Variants in NFIX observed in about 807,000 individuals in gnomAD.
NFIX encodes the protein nuclear factor 1 X-type.
In NFIX, 2 loss-of-function variants were observed where a neutral mutation model predicts 53.3. That is an observed-to-expected ratio of 0.04 (90% CI 0.02 to 0.12). NFIX has a LOEUF of 0.12. NFIX is among the 10% of genes least tolerant of loss of function. The pLI is 1.00. For synonymous variants in NFIX, 244 were observed against 289.0 expected, an observed-to-expected ratio of 0.84 and a Z score of 1.58; for missense variants, 310 against 674.5, an observed-to-expected ratio of 0.46 and a Z score of 5.99.
At chr19:13,056,185 C>A (rs573674606) in intron 2 of NFIX, among the ~76,000 whole-genome samples, 2 of 152,130 alleles carry the variant, frequency 1.3e-5, no homozygotes, top group African/African-American at 2.4e-5. Flanking sequence ...GGGAAGCAGG[C>A]GGGCAGGGGG....
chr19:13,012,327 C>T lies in NFIX; in HGVS notation c.28-12694C>T, dbSNP rs572678271. ...ACCGTTTGTGCCGCCAGAGTCTTCTCAATGATCCCTCCCAGGCACCGTAGG... is the reference window on the plus strand; with the variant it reads ...ACCGTTTGTGCCGCCAGAGTCTTCTTAATGATCCCTCCCAGGCACCGTAGG... On this transcript the variant is annotated intron_variant, in intron 1 of 10. Coordinates refer to ENST00000592199, the MANE Select transcript of NFIX (RefSeq NM_001365902.3). This position sits in a 1 kb window ranked among gnomAD's most constrained non-coding sequence, Gnocchi z 5.0. 2.0e-5 allele frequency: 3 copies of T among 152,244 alleles called. No individual in the cohort carries two copies. In the South Asian group the frequency reaches 6.2e-4, roughly 32 times the overall value. 9.4% of individuals were successfully genotyped at this position (152,244 alleles called of 1,614,324 possible). A position where few individuals can be genotyped will look rare whatever the true frequency, so the allele number is the denominator to read the frequency against.
rs1002798236 is a variant in NFIX at position 13,028,745 on chromosome 19, C to T, written c.559+3193C>T. ...CCTGGTGATATCCTTCCATTCAAAG[C>T]GGGTATCCCAGAACAGGTGGCCAGG... On this transcript the variant is annotated intron_variant, in intron 2 of 10. Transcript: ENST00000592199. The surrounding 1 kb of genome is among the most constrained non-coding windows in gnomAD (Gnocchi z 4.2). Among the ~76,000 whole-genome samples, 6 of 152,052 alleles carry T rather than the reference C, an allele frequency of 3.9e-5. No homozygotes were observed. Among genetic ancestry groups the T allele is most frequent in the African/African-American group, 9.7e-5 (4 of 41,384 alleles).
intron 2 of NFIX, among the ~76,000 whole-genome samples, chr19:13,039,309 T>C (rs1277731357): frequency 1.3e-5 from 2 of 151,164 alleles, no homozygotes; most frequent in African/African-American, 2.4e-5. Flanking sequence ...CCCAGCCACG[T>C]GGGACAGTAA....
chr19:13,060,329 G>A lies in NFIX; in HGVS notation c.560-12718G>A, dbSNP rs1176322639. On this transcript the variant is annotated intron_variant, in intron 2 of 10. Coordinates refer to ENST00000592199, the MANE Select transcript of NFIX (RefSeq NM_001365902.3). The surrounding 1 kb of genome is among the most constrained non-coding windows in gnomAD (Gnocchi z 4.3). Reference sequence around the variant, plus strand: ...GGGCCATTCCTGGCCCAGAGCCTGAGGCCATTGGAAAGGGCCTATATCTGG... The same window carrying A: ...GGGCCATTCCTGGCCCAGAGCCTGAAGCCATTGGAAAGGGCCTATATCTGG... 1.3e-5 allele frequency among the ~76,000 whole-genome samples: 2 copies of A among 152,246 alleles called. No individual in the cohort carries two copies. Among genetic ancestry groups the A allele is most frequent in the Non-Finnish European group, 2.9e-5 (2 of 68,044 alleles).
intron 1 of NFIX, 81 bp from the exon 2 acceptor site, chr19:13,024,940 C>T: frequency 6.6e-7 from 1 of 1,523,056 alleles, no homozygotes; most frequent in Non-Finnish European, 8.9e-7. Flanking sequence ...CTGCTTTTCT[C>T]CTTCTCTCTT....
At chr19:13,055,565 G>A (rs2015617326) in intron 2 of NFIX, among the ~76,000 whole-genome samples, 1 of 152,186 alleles carries the variant, frequency 6.6e-6, no homozygotes, top group African/African-American at 2.4e-5. Flanking sequence ...CCCCTCACGG[G>A]GCCTCGGCTC....
intron 8 of NFIX, among the ~76,000 whole-genome samples, chr19:13,084,811 T>A (rs1255686170): frequency 6.6e-6 from 1 of 152,104 alleles, no homozygotes; most frequent in Admixed American, 6.5e-5. Context: ...GGCTTATACC[T>A]GTAATCCCAG....
chr19:13,017,703 A>G (rs764923438), intron 1 of NFIX, among the ~76,000 whole-genome samples: 1 of 152,118 alleles, frequency 6.6e-6, no homozygotes, highest in Non-Finnish European at 1.5e-5. Context: ...GCATTTTGCC[A>G]TTTGCTCTGG....
In NFIX at chr19:13,093,391, C is replaced by T. The variant is rs2018255611; in HGVS notation, c.1495-1244C>T. ...TTCACACGAAATTCTGTTTGGGCTTCTGGCTTCTTTTGAAAAGTTGGCAGA... is the reference window on the plus strand; with the variant it reads ...TTCACACGAAATTCTGTTTGGGCTTTTGGCTTCTTTTGAAAAGTTGGCAGA... On this transcript the variant is annotated intron_variant, in intron 10 of 10. Coordinates refer to ENST00000592199, the MANE Select transcript of NFIX (RefSeq NM_001365902.3). This position sits in a 1 kb window ranked among gnomAD's most constrained non-coding sequence, Gnocchi z 4.7. Among the ~76,000 whole-genome samples, 1 of 152,234 alleles carries T rather than the reference C, an allele frequency of 6.6e-6. No homozygotes were observed. Among genetic ancestry groups the T allele is most frequent in the African/African-American group, 2.4e-5 (1 of 41,464 alleles).
At position 13,093,363 on chromosome 19, in the gene NFIX, A is replaced by C. The variant is rs1360671003; in HGVS notation, c.1495-1272A>C. On this transcript the variant is annotated intron_variant, in intron 10 of 10. Coordinates refer to ENST00000592199, the MANE Select transcript of NFIX (RefSeq NM_001365902.3). The surrounding 1 kb of genome is among the most constrained non-coding windows in gnomAD (Gnocchi z 4.7). The stretch of plus-strand genomic sequence containing the variant: ...CAAAGCAATGTTTTAAATATTGGAA[A>C]TTTTCACACGAAATTCTGTTTGGGC... Among the ~76,000 whole-genome samples the C allele has an allele frequency of 6.6e-6, 1 of 152,248 alleles. No homozygotes were observed. The highest frequency in any genetic ancestry group is 1.5e-5 in the Non-Finnish European group (1 of 68,042).
intron 1 of NFIX, among the ~76,000 whole-genome samples, chr19:13,008,903 C>T (rs2012169923): frequency 1.3e-5 from 2 of 152,220 alleles, no homozygotes; most frequent in African/African-American, 4.8e-5. Flanking sequence ...ATGGAAAAGC[C>T]AAGGCCCAAG....
Position 12,996,433 on chromosome 19 carries a change from C to T in NFIX, c.27+569C>T, listed in dbSNP as rs574799164. Among the ~76,000 whole-genome samples, 12 of 151,922 alleles carry T rather than the reference C, an allele frequency of 7.9e-5. No individual in the cohort carries two copies. The highest frequency in any genetic ancestry group is 1.5e-4 in the Non-Finnish European group (10 of 67,914). ...GGGTGCCTGGGGTGGGCCGAGCGGC[C>T]CGGGCGTCTCCCCAAAGTCTTTGTT... On this transcript the variant is annotated intron_variant, in intron 1 of 10. Coordinates refer to ENST00000592199, the MANE Select transcript of NFIX (RefSeq NM_001365902.3). This position sits in a 1 kb window ranked among gnomAD's most constrained non-coding sequence, Gnocchi z 5.2.
rs2013582156 is a variant in NFIX, at chr19:13,028,913, G to C, written c.559+3361G>C. ...GAACCAGTGCCTTCAGACCTTCCCT[G>C]ACACCTAAGCCTTGGTCCTAGGAAA... On this transcript the variant is annotated intron_variant, in intron 2 of 10. Transcript: ENST00000592199. The surrounding 1 kb of genome is among the most constrained non-coding windows in gnomAD (Gnocchi z 4.2). 6.6e-6 allele frequency among the ~76,000 whole-genome samples: 1 copy of C among 151,802 alleles called. No homozygotes were observed. Among genetic ancestry groups the C allele is most frequent in the Non-Finnish European group, 1.5e-5 (1 of 67,970 alleles).
At chr19:13,033,323 T>C (rs1024539557) in intron 2 of NFIX, among the ~76,000 whole-genome samples, 9 of 152,140 alleles carry the variant, frequency 5.9e-5, no homozygotes, top group Non-Finnish European at 1.5e-5. Flanking sequence ...ACTTTGTCTA[T>C]AATGGATATC....
chr19:13,048,870 C>T (rs1022012389), intron 2 of NFIX, among the ~76,000 whole-genome samples: 3 of 152,068 alleles, frequency 2.0e-5, no homozygotes, highest in Non-Finnish European at 4.4e-5. Context: ...GTCAGGAGTT[C>T]GAGACCAGCC....
chr19:13,053,026 C>T (rs1453555139), intron 2 of NFIX, among the ~76,000 whole-genome samples: 2 of 152,242 alleles, frequency 1.3e-5, no homozygotes, highest in African/African-American at 4.8e-5. Context: ...TTCCGTGTGG[C>T]CCCACAGCCA....
chr19:13,019,151 A>G (rs1177484398), intron 1 of NFIX, among the ~76,000 whole-genome samples: 1 of 152,124 alleles, frequency 6.6e-6, no homozygotes, highest in Non-Finnish European at 1.5e-5. Flanking sequence ...AAGGCTACTA[A>G]AAGTGGCCCT....
Position 13,006,662 on chromosome 19 carries a change from A to G in NFIX, c.27+10798A>G, listed in dbSNP as rs1419231991. On this transcript the variant is annotated intron_variant, in intron 1 of 10. Coordinates refer to ENST00000592199, the MANE Select transcript of NFIX (RefSeq NM_001365902.3). This position sits in a 1 kb window ranked among gnomAD's most constrained non-coding sequence, Gnocchi z 5.6. ...CACCCTGGCAGTACCAGGCTGCGCC[A>G]TCTTTGCAGGGTCTTGGGGATCTGC... 6.6e-6 allele frequency among the ~76,000 whole-genome samples: 1 copy of G among 152,102 alleles called. No homozygotes were observed. The highest frequency in any genetic ancestry group is 2.4e-5 in the African/African-American group (1 of 41,432).
chr19:13,019,579 G>A (rs913499427), intron 1 of NFIX, among the ~76,000 whole-genome samples: 15 of 150,132 alleles, frequency 1.0e-4, no homozygotes, highest in African/African-American at 1.5e-4. Context: ...CTCTTTTTTC[G>A]TTCTCCTTCT....
Sources: allele counts gnomAD v4.1 joint callset (sites outside exome capture counted in the v4.1 genomes callset), GRCh38; gene constraint gnomAD v4.1.1; non-coding constraint Gnocchi (gnomAD v3.1); transcripts MANE v1.5; gene names NCBI Gene and HGNC (gene_info 2026-07-23, HGNC 2026-07-21).